The following SCUBE2 variants were observed in gnomAD, a reference collection of about 807,000 sequenced individuals.
The protein encoded by SCUBE2 is signal peptide, CUB domain and EGF like domain containing 2.
A neutral mutation model predicts 125.9 loss-of-function variants in SCUBE2; 114 were observed. That is an observed-to-expected ratio of 0.91 (90% confidence interval 0.78 to 1.06). SCUBE2 has a LOEUF of 1.06. Among genes scored for constraint, SCUBE2 ranks in the 50% least tolerant of loss-of-function variants. The pLI, the probability that SCUBE2 is intolerant of heterozygous loss-of-function variation, is 0.00. For synonymous variants in SCUBE2, 459 were observed against 492.9 expected (o/e 0.93, Z 0.91); for missense variants, 1,255 against 1,301.8 (o/e 0.96, Z 0.55).
chr11:9,043,463 ATT>A (rs151177606), intron 16 of SCUBE2, among the ~76,000 whole-genome samples: 10 of 146,898 alleles, frequency 6.8e-5, no homozygotes, highest in East Asian at 4.0e-4. Flanking sequence ...CCCTATAATC[ATT>A]TTTTTTTTTT....
At chr11:9,025,943 C>T in intron 20 of SCUBE2, 89 bp from the exon 21 acceptor site, 1 of 1,358,098 alleles carries the variant, frequency 7.4e-7, no homozygotes, top group Non-Finnish European at 1.0e-6. Context: ...ACACTCAAAC[C>T]ATACAATAAG....
chr11:9,062,576 A>G (rs1373408540), intron 7 of SCUBE2, among the ~76,000 whole-genome samples: 3 of 152,228 alleles, frequency 2.0e-5, no homozygotes, highest in Non-Finnish European at 2.9e-5. Flanking sequence ...CCAACGGGGA[A>G]AAAGAAACCT....
intron 13 of SCUBE2, among the ~76,000 whole-genome samples, chr11:9,052,416 T>C (rs574699804): frequency 6.6e-6 from 1 of 152,380 alleles, no homozygotes; most frequent in East Asian, 1.9e-4. Context: ...ATCCACACCA[T>C]GTGCTCCAGG....
intron 16 of SCUBE2, among the ~76,000 whole-genome samples, chr11:9,039,951 G>A (rs916969519): frequency 6.6e-6 from 1 of 152,206 alleles, no homozygotes; most frequent in African/African-American, 2.4e-5. Flanking sequence ...ATGGATTCCC[G>A]GAAAGAACAC....
chr11:9,053,608 G>A (rs575558413), intron 11 of SCUBE2, 29 bp downstream of exon 11: 1 of 1,611,296 alleles, frequency 6.2e-7, no homozygotes, highest in African/African-American at 1.3e-5. Flanking sequence ...CCAGCCTGCT[G>A]TCTGAGTCTG....
intron 16 of SCUBE2, among the ~76,000 whole-genome samples, chr11:9,036,721 T>C (rs1409760207): frequency 6.6e-6 from 1 of 152,156 alleles, no homozygotes; most frequent in Non-Finnish European, 1.5e-5. Context: ...CCAGGCCTGG[T>C]TCTCACTGAG....
chr11:9,034,264 C>G (rs1856575361), intron 16 of SCUBE2, among the ~76,000 whole-genome samples: 1 of 152,028 alleles, frequency 6.6e-6, no homozygotes, highest in Non-Finnish European at 1.5e-5. Flanking sequence ...TTGTGTCAGG[C>G]CTTGAAGGAT....
chr11:9,080,648 C>CAA (rs111895309), intron 2 of SCUBE2, among the ~76,000 whole-genome samples: 4 of 121,116 alleles, frequency 3.3e-5, no homozygotes, highest in East Asian at 2.4e-4. Context: ...GACCCTATCT[C>CAA]AAAAAAAAAA....
chr11:9,033,524 G>T, intron 17 of SCUBE2, 102 bp downstream of exon 17: 1 of 1,362,364 alleles, frequency 7.3e-7, no homozygotes, highest in Non-Finnish European at 1.0e-6. Flanking sequence ...CTTGTAGGAA[G>T]CCCCGGGTGA....
intron 21 of SCUBE2, among the ~76,000 whole-genome samples, chr11:9,023,323 G>A (rs893735247): frequency 1.3e-5 from 2 of 152,154 alleles, no homozygotes; most frequent in East Asian, 1.9e-4. Flanking sequence ...TTACTAATTC[G>A]ATATGTTTAC....
intron 16 of SCUBE2, among the ~76,000 whole-genome samples, chr11:9,036,009 T>G (rs954219388): frequency 5.3e-5 from 8 of 152,114 alleles, no homozygotes; most frequent in Non-Finnish European, 1.0e-4. Flanking sequence ...CCACCCCAGC[T>G]TCCCAAGTAG....
chr11:9,071,384 G>A (rs917307449), intron 4 of SCUBE2, among the ~76,000 whole-genome samples: 3 of 152,136 alleles, frequency 2.0e-5, no homozygotes, highest in Non-Finnish European at 4.4e-5. Context: ...ACCACCTAAT[G>A]TCCTACCACA....
At chr11:9,023,158 C>T (rs1205546513) in intron 21 of SCUBE2, among the ~76,000 whole-genome samples, 1 of 152,172 alleles carries the variant, frequency 6.6e-6, no homozygotes, top group Non-Finnish European at 1.5e-5. Flanking sequence ...TTTCCAAATT[C>T]CAGACACAGA....
At chr11:9,073,659 G>A (rs1012600977) in intron 4 of SCUBE2, among the ~76,000 whole-genome samples, 1 of 152,032 alleles carries the variant, frequency 6.6e-6, no homozygotes, top group Non-Finnish European at 1.5e-5. Flanking sequence ...TAGTATTTAG[G>A]GCACTTCCCC....
intron 2 of SCUBE2, among the ~76,000 whole-genome samples, chr11:9,079,886 T>C (rs1347568879): frequency 6.6e-6 from 1 of 152,166 alleles, no homozygotes; most frequent in African/African-American, 2.4e-5. Flanking sequence ...GTTATCTTCA[T>C]GTAAGAAATA....
chr11:9,052,717 C>T, intron 13 of SCUBE2, 29 bp downstream of exon 13: 1 of 1,491,434 alleles, frequency 6.7e-7, no homozygotes, highest in South Asian at 1.2e-5. Context: ...AGTGAGCCCC[C>T]AGAGAGAACA....
chr11:9,048,122 G>A (rs994334379), intron 14 of SCUBE2, 24 bp from the exon 15 acceptor site: 13 of 1,591,888 alleles, frequency 8.2e-6, no homozygotes, highest in East Asian at 2.2e-5. Context: ...CAAAATTATC[G>A]GAAGCCAAAT....
In SCUBE2 at chr11:9,055,896, G is replaced by C; in HGVS notation, c.1104C>G (p.Cys368Trp). 6.2e-7 allele frequency: 1 copy of C among 1,614,056 alleles called. No homozygotes were observed. The highest frequency in any genetic ancestry group is 1.1e-5 in the South Asian group (1 of 91,076). The change falls in exon 10 of 23, where the codon TGC (cysteine) becomes TGG (tryptophan). Residue 368 changes from cysteine (C) to tryptophan (W), a missense_variant. Physicochemically the swap from Cys to Trp is radical, Grantham distance 215. This residue lies in a region of SCUBE2 where 378 missense variants were observed against 463.1 expected (regional missense o/e 0.82). Coordinates refer to ENST00000649792, the MANE Select transcript of SCUBE2 (RefSeq NM_001367977.2). Reference sequence around the variant, plus strand: ...TGTGGTCACAGGTCCTATCCAAAGAGCACTCATCCACATCTGTAATGGTCA... The same window carrying C: ...TGTGGTCACAGGTCCTATCCAAAGACCACTCATCCACATCTGTAATGGTCA... ...DEKSCQDVDE[C>W]SLDRTCDHSC... is the part of the protein sequence containing the mutation.
chr11:9,090,863 A>C (rs1862628352), intron 1 of SCUBE2, among the ~76,000 whole-genome samples: 1 of 152,200 alleles, frequency 6.6e-6, no homozygotes, highest in Admixed American at 6.5e-5. Context: ...TGGAAACCAA[A>C]GTTCTCTGCT....
Sources: allele counts gnomAD v4.1 joint callset (sites outside exome capture counted in the v4.1 genomes callset), GRCh38; gene constraint gnomAD v4.1.1; regional missense constraint gnomAD v4.1.1; transcripts MANE v1.5; gene names NCBI Gene and HGNC (gene_info 2026-07-23, HGNC 2026-07-21).